NT5DC1: variants seen among roughly 807,000 people sequenced by gnomAD.
The protein encoded by NT5DC1 is 5'-nucleotidase domain-containing protein 1.
A neutral mutation model predicts 59.4 loss-of-function variants in NT5DC1; 42 were observed. That is an observed-to-expected ratio of 0.71 (90% CI 0.55 to 0.92). The LOEUF is 0.92. Ranked by LOEUF, NT5DC1 falls within the 40% of genes least tolerant of loss-of-function variation. The probability of loss-of-function intolerance (pLI) is 0.00; values close to 1 mark genes in which losing one functional copy is unlikely to be tolerated. For missense variants in NT5DC1, 501 were observed against 537.1 expected (o/e 0.93, Z 0.66); for synonymous variants, 172 against 188.1 (o/e 0.91, Z 0.70).
chr6:116,219,748 G>T (rs1458321406), intron 6 of NT5DC1, among the ~76,000 whole-genome samples: 3 of 152,084 alleles, frequency 2.0e-5, no homozygotes, highest in Non-Finnish European at 2.9e-5. Context: ...GAGGTCAAGA[G>T]ATCAAGACCA....
At chr6:116,194,495 C>T (rs1781184941) in intron 6 of NT5DC1, among the ~76,000 whole-genome samples, 2 of 151,888 alleles carry the variant, frequency 1.3e-5, no homozygotes, top group African/African-American at 2.4e-5. Flanking sequence ...CACTAATAGC[C>T]TATTTTATGT....
chr6:116,161,369 A>G (rs1780326771), intron 6 of NT5DC1, among the ~76,000 whole-genome samples: 1 of 152,084 alleles, frequency 6.6e-6, no homozygotes, highest in Admixed American at 6.5e-5. Flanking sequence ...ATAAAGATGC[A>G]TTGATATAAC....
chr6:116,149,973 T>G (rs538224482), intron 6 of NT5DC1, among the ~76,000 whole-genome samples: 1 of 152,352 alleles, frequency 6.6e-6, no homozygotes, highest in Admixed American at 6.5e-5. Context: ...TGTACCTTTA[T>G]TCCCTATGAT....
chr6:116,105,162 C>T (rs1010045790), intron 1 of NT5DC1, among the ~76,000 whole-genome samples: 2 of 152,148 alleles, frequency 1.3e-5, no homozygotes, highest in African/African-American at 4.8e-5. Context: ...TTTGCTTTCT[C>T]CATGCTCATA....
In NT5DC1 at chr6:116,243,990, T is replaced by C. The variant is rs372130625; in HGVS notation, c.1334T>C (p.Val445Ala). The C allele has an allele frequency of 7.9e-6, 12 of 1,526,332 alleles. No homozygotes were observed. Among genetic ancestry groups the C allele is most frequent in the African/African-American group, 1.4e-5 (1 of 72,818 alleles). 94.5% of individuals were successfully genotyped at this position (1,526,332 alleles called of 1,614,324 possible). Residue 445 changes from valine to alanine, a missense_variant, in exon 12 of 12, where the codon GTC (valine) becomes GCC (alanine). Val to Ala is a moderately conservative substitution (Grantham distance 64, BLOSUM62 0). Transcript: ENST00000319550. ...TAGYYPNPPL[V>A]LSSDETLISK ...GGCTACTATCCAAATCCTCCACTGGTCTTATCAAGTGATGAGACACTGATA... is the reference window on the plus strand; with the variant it reads ...GGCTACTATCCAAATCCTCCACTGGCCTTATCAAGTGATGAGACACTGATA...
At chr6:116,209,705 A>G (rs1184857178) in intron 6 of NT5DC1, among the ~76,000 whole-genome samples, 1 of 151,764 alleles carries the variant, frequency 6.6e-6, no homozygotes, top group African/African-American at 2.4e-5. Flanking sequence ...TTTTTTTCCT[A>G]TCTCAGTGGA....
chr6:116,134,139 A>G (rs1277000497), intron 6 of NT5DC1, among the ~76,000 whole-genome samples: 1 of 152,200 alleles, frequency 6.6e-6, no homozygotes, highest in Non-Finnish European at 1.5e-5. Flanking sequence ...ATGCTCCACA[A>G]TTGTGATTGG....
At chr6:116,113,192 G>A (rs191659023) in intron 4 of NT5DC1, among the ~76,000 whole-genome samples, 2 of 152,302 alleles carry the variant, frequency 1.3e-5, no homozygotes, top group Non-Finnish European at 2.9e-5. Flanking sequence ...TTATTTGCTG[G>A]ATAAAGTGTC....
intron 6 of NT5DC1, among the ~76,000 whole-genome samples, chr6:116,174,236 T>C (rs1348334380): frequency 6.6e-6 from 1 of 152,218 alleles, no homozygotes; most frequent in Non-Finnish European, 1.5e-5. Context: ...CATACTCCGT[T>C]TTTTGAAAGC....
chr6:116,119,699 C>A (rs528772632), intron 6 of NT5DC1: 13 of 181,120 alleles, frequency 7.2e-5, no homozygotes, highest in Admixed American at 5.7e-5. Context: ...AAGGAAATGC[C>A]GAGTTTCTCA....
chr6:116,139,673 T>G (rs775731968), intron 6 of NT5DC1, among the ~76,000 whole-genome samples: 2 of 152,202 alleles, frequency 1.3e-5, no homozygotes, highest in Non-Finnish European at 2.9e-5. Flanking sequence ...ATTTGCAAAT[T>G]ACACATGTGG....
chr6:116,149,583 G>A (rs1162376787), intron 6 of NT5DC1, among the ~76,000 whole-genome samples: 7 of 152,176 alleles, frequency 4.6e-5, no homozygotes, highest in African/African-American at 1.4e-4. Flanking sequence ...TGAACCAAAG[G>A]ATGACTGTCG....
intron 6 of NT5DC1, among the ~76,000 whole-genome samples, chr6:116,127,266 TC>T (rs1779341516): frequency 6.6e-6 from 1 of 152,148 alleles, no homozygotes; most frequent in Admixed American, 6.6e-5. Flanking sequence ...TCCCTTTCTC[TC>T]CCCTTCAAGC....
At chr6:116,141,726 G>C (rs1214889187) in intron 6 of NT5DC1, among the ~76,000 whole-genome samples, 6 of 150,360 alleles carry the variant, frequency 4.0e-5, no homozygotes, top group Non-Finnish European at 7.4e-5. Context: ...TGCTTCTTAT[G>C]TGATAATAAC....
At chr6:116,220,121 CCTTTTTTTTTTT>C (rs1331519855) in intron 6 of NT5DC1, among the ~76,000 whole-genome samples, 26 of 108,334 alleles carry the variant, frequency 2.4e-4, no homozygotes, top group African/African-American at 1.1e-3. Flanking sequence ...AGCTGTTTAA[CCTTTTTTTTTTT>C]TTTTTTTTTT....
intron 6 of NT5DC1, among the ~76,000 whole-genome samples, chr6:116,185,475 C>G (rs912956353): frequency 3.3e-5 from 5 of 152,050 alleles, no homozygotes; most frequent in African/African-American, 4.8e-5. Flanking sequence ...AAGTCCCCCA[C>G]TATTATTGTG....
intron 3 of NT5DC1, among the ~76,000 whole-genome samples, 169 bp downstream of exon 3, chr6:116,108,604 G>T (rs1778810038): frequency 6.6e-6 from 1 of 152,138 alleles, no homozygotes; most frequent in Non-Finnish European, 1.5e-5. Context: ...ATTTAAATAT[G>T]AATTTGTGAG....
At chr6:116,202,930 A>G (rs923535312) in intron 6 of NT5DC1, among the ~76,000 whole-genome samples, 10 of 151,980 alleles carry the variant, frequency 6.6e-5, no homozygotes, top group African/African-American at 2.4e-4. Flanking sequence ...GTAATGTAGT[A>G]ATGCAAAAAG....
At chr6:116,240,538 T>A (rs1771692223) in intron 11 of NT5DC1, among the ~76,000 whole-genome samples, 1 of 151,440 alleles carries the variant, frequency 6.6e-6, no homozygotes, top group Non-Finnish European at 1.5e-5. Flanking sequence ...GTGATTGGAG[T>A]CCCAGGAGAT....
Sources: gnomAD v4.1 joint callset for allele counts (sites outside exome capture counted in the v4.1 genomes callset) on GRCh38, gnomAD v4.1.1 for gene constraint, MANE v1.5 for transcripts, NCBI Gene and HGNC (gene_info 2026-07-23, HGNC 2026-07-21) for gene names.